PDE11A: variants seen among roughly 807,000 people sequenced by gnomAD.
PDE11A encodes the protein dual 3',5'-cyclic-AMP and -GMP phosphodiesterase 11A.
In PDE11A, 100 loss-of-function variants were observed where a neutral mutation model predicts 100.5. The ratio of observed to expected loss-of-function variants is 1.00; its 90% CI spans 0.85 to 1.18. The LOEUF is 1.18. PDE11A is among the 50% of genes most tolerant of loss of function. The probability of loss-of-function intolerance (pLI) is 0.00; values close to 1 mark genes in which losing one functional copy is unlikely to be tolerated. For synonymous variants in PDE11A, 381 were observed against 420.8 expected, an observed-to-expected ratio of 0.91 and a Z score of 1.16; for missense variants, 1,141 against 1,152.6, an observed-to-expected ratio of 0.99 and a Z score of 0.15.
intron 5 of PDE11A, among the ~76,000 whole-genome samples, chr2:177,866,329 T>C (rs1242356568): frequency 6.6e-6 from 1 of 152,232 alleles, no homozygotes; most frequent in Non-Finnish European, 1.5e-5. Flanking sequence ...GCATGATTTC[T>C]CCAACTGGCA....
At chr2:177,855,034 T>G (rs530997761) in intron 5 of PDE11A, among the ~76,000 whole-genome samples, 11 of 152,268 alleles carry the variant, frequency 7.2e-5, no homozygotes, top group African/African-American at 2.2e-4. Context: ...GCTGTTTTAA[T>G]TTTTTAATGT....
At chr2:177,725,121 G>C (rs1400538382) in intron 12 of PDE11A, among the ~76,000 whole-genome samples, 2 of 152,096 alleles carry the variant, frequency 1.3e-5, no homozygotes, top group African/African-American at 4.8e-5. Context: ...GTGCCCATTG[G>C]TGGTAAGAAA....
At chr2:177,859,796 A>G (rs2083913912) in intron 5 of PDE11A, among the ~76,000 whole-genome samples, 2 of 152,166 alleles carry the variant, frequency 1.3e-5, no homozygotes, top group East Asian at 1.9e-4. Flanking sequence ...TGATAGAATT[A>G]GAAAGAATAA....
intron 10 of PDE11A, among the ~76,000 whole-genome samples, chr2:177,746,848 G>C (rs2081955904): frequency 6.6e-6 from 1 of 152,214 alleles, no homozygotes; most frequent in Non-Finnish European, 1.5e-5. Context: ...TTGCAGTATA[G>C]AGAGCTAAAC....
intron 2 of PDE11A, among the ~76,000 whole-genome samples, chr2:177,980,790 G>T (rs2085871041): frequency 6.6e-6 from 1 of 150,662 alleles, no homozygotes; most frequent in Admixed American, 6.6e-5. Flanking sequence ...ATTACAAAGA[G>T]TCAAGAGAAT....
At chr2:177,769,707 C>T (rs1361039931) in intron 9 of PDE11A, among the ~76,000 whole-genome samples, 2 of 151,624 alleles carry the variant, frequency 1.3e-5, no homozygotes, top group East Asian at 1.9e-4. Flanking sequence ...GGCAACATGG[C>T]GAAACCTTGT....
At chr2:177,929,117 C>G (rs915548166) in intron 2 of PDE11A, among the ~76,000 whole-genome samples, 8 of 152,144 alleles carry the variant, frequency 5.3e-5, no homozygotes, top group African/African-American at 1.9e-4. Flanking sequence ...CTTTTCTCTG[C>G]AAGTGCTCCC....
intron 7 of PDE11A, among the ~76,000 whole-genome samples, chr2:177,819,865 T>TC (rs1558954515): frequency 1.7e-5 from 2 of 115,280 alleles, no homozygotes; most frequent in Non-Finnish European, 3.8e-5. Flanking sequence ...TCTCTTTCTC[T>TC]CTTTCTCTCT....
chr2:177,783,091 T>C (rs1452805530), intron 9 of PDE11A, among the ~76,000 whole-genome samples: 2 of 152,142 alleles, frequency 1.3e-5, no homozygotes, highest in Non-Finnish European at 2.9e-5. Flanking sequence ...AATGTAACTT[T>C]CTCTTTTTCT....
chr2:178,036,736 ATT>A (rs1409423498), intron 1 of PDE11A, among the ~76,000 whole-genome samples: 5 of 152,298 alleles, frequency 3.3e-5, no homozygotes, highest in Non-Finnish European at 7.3e-5. Context: ...CAATCATCTG[ATT>A]TTCAACAAAC....
chr2:177,884,701 T>A (rs1356214178), intron 4 of PDE11A, among the ~76,000 whole-genome samples: 1 of 152,170 alleles, frequency 6.6e-6, no homozygotes, highest in African/African-American at 2.4e-5. Flanking sequence ...GAGAGGCCAG[T>A]GCATGTTTAA....
Position 177,897,963 on chromosome 2 carries a change from G to A in PDE11A, c.1302+95C>T, listed in dbSNP as rs546492990. 6.5e-6 allele frequency: 7 copies of A among 1,073,186 alleles called. No individual in the cohort carries two copies. The African/African-American group carries it at 9.3e-5, about 14-fold the overall frequency. 66.5% of individuals were successfully genotyped at this position (1,073,186 alleles called of 1,614,324 possible). On this transcript the variant is annotated intron_variant, in intron 4 of 19. Coordinates refer to ENST00000286063, the MANE Select transcript of PDE11A (RefSeq NM_016953.4). The stretch of plus-strand genomic sequence containing the variant: ...CCATGGTTGAAGAGTCACGAAGAGT[G>A]AATCAAGTCACAATTTCACAAGTTT...
intron 13 of PDE11A, among the ~76,000 whole-genome samples, chr2:177,702,294 G>A (rs1227290628): frequency 6.8e-6 from 1 of 147,858 alleles, no homozygotes; most frequent in Non-Finnish European, 1.5e-5. Flanking sequence ...CAGCCTGGGC[G>A]ACAGAGTGAG....
At chr2:177,961,681 A>G (rs1271620234) in intron 2 of PDE11A, among the ~76,000 whole-genome samples, 11 of 152,118 alleles carry the variant, frequency 7.2e-5, no homozygotes, top group Admixed American at 7.2e-4. Context: ...TTTTACTTAC[A>G]TTTAATTTTA....
At position 177,898,118 on chromosome 2, in the gene PDE11A, G is replaced by T; in HGVS notation, c.1242C>A (p.Ala414=). 6.2e-7 allele frequency: 1 copy of T among 1,611,570 alleles called. No individual in the cohort carries two copies. Among genetic ancestry groups the T allele is most frequent in the Non-Finnish European group, 8.5e-7 (1 of 1,177,764 alleles). The change falls in exon 4 of 20, where the codon GCC becomes GCA. Residue 414 remains alanine, a synonymous_variant. Transcript: ENST00000286063. ...AGCGTTCACATTTCAGCAGAGTTTG[G>T]GCCCGATGCATTATTTTCTTGACAA... The part of the protein sequence containing the change: ...EKIVKKIMHR[A]QTLLKCERCS...
intron 1 of PDE11A, among the ~76,000 whole-genome samples, chr2:178,068,165 TTATAAC>T (rs1367094557): frequency 6.6e-6 from 1 of 152,096 alleles, no homozygotes; most frequent in East Asian, 1.9e-4. Flanking sequence ...GTTAAATAAC[TTATAAC>T]TATCTGGGGA....
At chr2:177,923,493 G>A (rs1375977256) in intron 2 of PDE11A, among the ~76,000 whole-genome samples, 1 of 152,148 alleles carries the variant, frequency 6.6e-6, no homozygotes, top group African/African-American at 2.4e-5. Context: ...TTTTATCTCA[G>A]CTGTCCCTCA....
At chr2:177,655,191 G>A (rs927288487) in intron 19 of PDE11A, among the ~76,000 whole-genome samples, 5 of 152,028 alleles carry the variant, frequency 3.3e-5, no homozygotes, top group Non-Finnish European at 5.9e-5. Context: ...TCATGGCACT[G>A]TTTGAGCTCA....
At chr2:178,026,115 A>G (rs980882878) in intron 1 of PDE11A, among the ~76,000 whole-genome samples, 1 of 152,164 alleles carries the variant, frequency 6.6e-6, no homozygotes, top group African/African-American at 2.4e-5. Context: ...AACCTAACAC[A>G]GACTACCTCC....
Sources: allele counts gnomAD v4.1 joint callset (sites outside exome capture counted in the v4.1 genomes callset), GRCh38; gene constraint gnomAD v4.1.1; transcripts MANE v1.5; gene names NCBI Gene and HGNC (gene_info 2026-07-23, HGNC 2026-07-21).